Variants in PLCB4 observed in about 807,000 individuals in gnomAD.
PLCB4 encodes phospholipase C beta 4, also known as 1-phosphatidylinositol 4,5-bisphosphate phosphodiesterase beta-4.
PLCB4 carries 77 observed loss-of-function variants against 178.8 expected under a neutral mutation model. The ratio of observed to expected loss-of-function variants is 0.43; its 90% confidence interval spans 0.36 to 0.52. The LOEUF (loss-of-function observed/expected upper bound fraction) is 0.52. Ranked by LOEUF, PLCB4 falls within the 20% of genes least tolerant of loss-of-function variation. PLCB4 has a pLI of 0.00. For synonymous variants in PLCB4, 496 were observed against 490.8 expected (o/e 1.01, Z -0.14); for missense variants, 1,024 against 1,453.4 (o/e 0.70, Z 4.80).
chr20:9,368,232 G>T (rs2035942807), intron 9 of PLCB4, among the ~76,000 whole-genome samples: 1 of 152,134 alleles, frequency 6.6e-6, no homozygotes, highest in African/African-American at 2.4e-5. Context: ...TAATATCCAG[G>T]AAGTTGCAGG....
chr20:9,379,382 C>A (rs899071257), intron 12 of PLCB4, among the ~76,000 whole-genome samples: 5 of 152,058 alleles, frequency 3.3e-5, no homozygotes, highest in Non-Finnish European at 7.4e-5. Flanking sequence ...CTCTTAAGTC[C>A]CGTAATCATT....
At chr20:9,474,675 A>AAAAATAAAAT (rs77558691) in intron 38 of PLCB4, among the ~76,000 whole-genome samples, 133 of 151,342 alleles carry the variant, frequency 8.8e-4, no homozygotes, top group Non-Finnish European at 1.5e-3. Context: ...TTGAGAAAGT[A>AAAAATAAAAT]AAAATAAAAT....
intron 8 of PLCB4, among the ~76,000 whole-genome samples, 199 bp from the exon 9 acceptor site, chr20:9,365,262 G>A (rs1052145770): frequency 6.6e-6 from 1 of 152,142 alleles, no homozygotes. Context: ...TTGTTTTTCT[G>A]AAATTCAAGT....
At chr20:9,415,813 C>T (rs938822383) in intron 25 of PLCB4, among the ~76,000 whole-genome samples, 2 of 152,204 alleles carry the variant, frequency 1.3e-5, no homozygotes, top group African/African-American at 4.8e-5. Flanking sequence ...GAGTTCAGGG[C>T]CCTGTAGAAC....
At chr20:9,085,722 CTA>C (rs2090378942) in intron 1 of PLCB4, among the ~76,000 whole-genome samples, 1 of 152,142 alleles carries the variant, frequency 6.6e-6, no homozygotes, top group South Asian at 2.1e-4. Context: ...AGATAGTTGA[CTA>C]GACTCTGAAA....
chr20:9,362,786 AAG>A, intron 7 of PLCB4, 108 bp from the exon 8 acceptor site: 1 of 697,854 alleles, frequency 1.4e-6, no homozygotes, highest in East Asian at 2.7e-5. Context: ...GGGACAAAAG[AAG>A]AGTTTGTGTT....
chr20:9,449,480 G>A (rs1259758481), intron 32 of PLCB4, among the ~76,000 whole-genome samples: 1 of 152,146 alleles, frequency 6.6e-6, no homozygotes, highest in Non-Finnish European at 1.5e-5. Context: ...TTGGTGCCTG[G>A]AGAGTAGATG....
chr20:9,402,137 A>C (rs142666606), intron 20 of PLCB4, among the ~76,000 whole-genome samples: 10 of 152,270 alleles, frequency 6.6e-5, no homozygotes, highest in Non-Finnish European at 1.3e-4. Flanking sequence ...TAGGCAGCTC[A>C]TGGCCCCCTG....
chr20:9,134,621 C>T (rs1351632335), intron 2 of PLCB4, among the ~76,000 whole-genome samples: 1 of 152,060 alleles, frequency 6.6e-6, no homozygotes, highest in Non-Finnish European at 1.5e-5. Flanking sequence ...GTTCTGCCTC[C>T]CGTTTCCAAT....
At chr20:9,256,836 A>G (rs1049622872) in intron 3 of PLCB4, among the ~76,000 whole-genome samples, 4 of 152,138 alleles carry the variant, frequency 2.6e-5, no homozygotes, top group African/African-American at 9.7e-5. Flanking sequence ...ACATTTTCCT[A>G]TTTTCCTGAG....
chr20:9,385,588 G>A (rs1329129728), intron 14 of PLCB4, among the ~76,000 whole-genome samples: 1 of 140,430 alleles, frequency 7.1e-6, no homozygotes. Flanking sequence ...AGACGGGGCG[G>A]CTGGCAGAGG....
intron 2 of PLCB4, among the ~76,000 whole-genome samples, chr20:9,114,953 C>T (rs1274036852): frequency 1.3e-5 from 2 of 152,160 alleles, no homozygotes; most frequent in Non-Finnish European, 2.9e-5. Flanking sequence ...TGTGTTTGGC[C>T]ATGAATCCAC....
rs978098300 is a variant in PLCB4, at chr20:9,385,924, G to A, written c.1064+1513G>A. ...CAGGCGGCTGGAAGGTGGAGGTTGT[G>A]GCGAGCCGAGATCACGCCACTACAC... On this transcript the variant is annotated intron_variant, in intron 14 of 39. Coordinates refer to ENST00000378473, the MANE Select transcript of PLCB4 (RefSeq NM_001377142.1). 5.3e-5 allele frequency among the ~76,000 whole-genome samples: 8 copies of A among 152,330 alleles called. No homozygotes were observed. In the East Asian group the frequency reaches 1.5e-3, roughly 29 times the overall value.
chr20:9,203,150 T>C (rs2093571523), intron 2 of PLCB4, among the ~76,000 whole-genome samples: 1 of 151,328 alleles, frequency 6.6e-6, no homozygotes, highest in African/African-American at 2.4e-5. Context: ...GGGGTTCTTG[T>C]AAGCTGTACT....
chr20:9,280,968 G>A (rs985978364), intron 3 of PLCB4, among the ~76,000 whole-genome samples: 3 of 151,304 alleles, frequency 2.0e-5, no homozygotes, highest in Non-Finnish European at 2.9e-5. Flanking sequence ...AAAAAAAGAG[G>A]TATACCACAT....
intron 2 of PLCB4, among the ~76,000 whole-genome samples, chr20:9,102,486 A>C (rs1277606687): frequency 1.3e-5 from 2 of 152,228 alleles, no homozygotes; most frequent in Non-Finnish European, 2.9e-5. Context: ...ATGAAGAATT[A>C]GGGATTTAAT....
intron 15 of PLCB4, 43 bp downstream of exon 15, chr20:9,387,599 A>T: frequency 1.1e-6 from 1 of 910,090 alleles, no homozygotes; most frequent in South Asian, 1.6e-5. Context: ...AAACTCTGTG[A>T]AAATGCAGGA....
At chr20:9,244,148 C>T (rs767156332) in intron 3 of PLCB4, among the ~76,000 whole-genome samples, 3 of 152,066 alleles carry the variant, frequency 2.0e-5, no homozygotes, top group Non-Finnish European at 4.4e-5. Flanking sequence ...ATTCTGTGGT[C>T]GTATTGCTGC....
chr20:9,124,958 A>G (rs770109339), intron 2 of PLCB4, among the ~76,000 whole-genome samples: 35 of 152,226 alleles, frequency 2.3e-4, no homozygotes, highest in Non-Finnish European at 4.1e-4. Context: ...AAATAGTTAC[A>G]TTGAAGATTG....
Sources: gnomAD v4.1 joint callset for allele counts (sites outside exome capture counted in the v4.1 genomes callset) on GRCh38, gnomAD v4.1.1 for gene constraint, MANE v1.5 for transcripts, NCBI Gene and HGNC (gene_info 2026-07-23, HGNC 2026-07-21) for gene names.